Variants in MROH6 observed in about 807,000 individuals in gnomAD.
MROH6 encodes the protein maestro heat like repeat family member 6.
MROH6 carries 62 observed loss-of-function variants against 67.7 expected under a neutral mutation model. The ratio of observed to expected loss-of-function variants is 0.92; its 90% CI spans 0.75 to 1.13. MROH6 has a LOEUF of 1.13. MROH6 is among the 50% of genes most tolerant of loss of function. The pLI, the probability that MROH6 is intolerant of heterozygous loss-of-function variation, is 0.00. For missense variants in MROH6, 1,175 were observed against 1,029.1 expected, an observed-to-expected ratio of 1.14 and a Z score of -1.94; for synonymous variants, 566 against 470.8, an observed-to-expected ratio of 1.20 and a Z score of -2.62.
Position 143,567,267 on chromosome 8 carries a change from C to A in MROH6, c.2132G>T (p.Trp711Leu). Residue 711 changes from tryptophan (W) to leucine (L), a missense_variant, in exon 14 of 14, where the codon TGG becomes TTG. By Grantham distance (61) the Trp-to-Leu change is moderately conservative (BLOSUM62 -2). Coordinates refer to ENST00000398882, the MANE Select transcript of MROH6 (RefSeq NM_001100878.2). ...GGCTCGGCGGGGTCCGGAGCAGCCC[C>A]AGCGGCCCGCGACGCTCCGGCGCTG... ...PFQRRSVAGR[W>L]GCSGPRRA 10 of 1,222,678 alleles carry A rather than the reference C, an allele frequency of 8.2e-6. No individual in the cohort carries two copies. The highest frequency in any genetic ancestry group is 1.0e-5 in the Non-Finnish European group (10 of 982,014). 75.7% of individuals were successfully genotyped at this position (1,222,678 alleles called of 1,614,324 possible).
chr8:143,570,244 T>TCCTCACCG lies in MROH6; in HGVS notation c.1041_1042insCGGTGAGG (p.Ser348ArgfsTer2). The TCCTCACCG allele has an allele frequency of 6.9e-7, 1 of 1,449,616 alleles. No homozygotes were observed. 89.8% of individuals were successfully genotyped at this position (1,449,616 alleles called of 1,614,324 possible). A position where few individuals can be genotyped will look rare whatever the true frequency, so the allele number is the denominator to read the frequency against. On this transcript the variant is annotated stop_gained and frameshift_variant and splice_region_variant, in exon 6 of 14. Transcript: ENST00000398882. LOFTEE classifies it high-confidence loss of function. Reference sequence around the variant, plus strand: ...GGGGCCCCTCCTCACCCTCCTCACCTGGCCAGCAGCAGGACGCCCTCCAGG... The same window carrying TCCTCACCG: ...GGGGCCCCTCCTCACCCTCCTCACCTCCTCACCGGGCCAGCAGCAGGACGCCCTCCAGG...
intron 3 of MROH6, 108 bp downstream of exon 3, chr8:143,571,559 G>C (rs1824038733): frequency 1.4e-6 from 2 of 1,414,886 alleles, no homozygotes; most frequent in Non-Finnish European, 9.5e-7. Flanking sequence ...CTGGAATAAG[G>C]AGGCCCTGCC....
In MROH6 at chr8:143,566,813, G is replaced by A. The variant is rs930158952; in HGVS notation, c.*426C>T. On this transcript the variant is annotated 3_prime_UTR_variant, in exon 14 of 14. Transcript: ENST00000398882. ...GGATGCTGGCAGGGAATGGGGTGAG[G>A]GATGAGGATCGGGGGTGCAGCTGCA... The A allele has an allele frequency of 4.4e-5, 7 of 157,888 alleles. No homozygotes were observed. The highest frequency in any genetic ancestry group is 1.7e-4 in the African/African-American group (7 of 41,662). 9.8% of individuals were successfully genotyped at this position (157,888 alleles called of 1,614,324 possible).
In MROH6 at chr8:143,570,579, G is replaced by A. The variant is rs772923905; in HGVS notation, c.799C>T (p.Leu267Phe). ...ATRGFYPHLL[L>F]ALVTQLHKLA... is the part of the protein sequence containing the mutation. Reference sequence around the variant, plus strand: ...TTGTGCAGCTGTGTGACCAGCGCAAGCAGCAGATGTGGGTAGAAGCCCCTC... The same window carrying A: ...TTGTGCAGCTGTGTGACCAGCGCAAACAGCAGATGTGGGTAGAAGCCCCTC... The change falls in exon 5 of 14, where the codon CTT becomes TTT. Residue 267 changes from leucine (L) to phenylalanine (F), a missense_variant. Physicochemically the swap from Leu to Phe is conservative, Grantham distance 22. Coordinates refer to ENST00000398882, the MANE Select transcript of MROH6 (RefSeq NM_001100878.2). 45 of 1,607,080 alleles carry A rather than the reference G, an allele frequency of 2.8e-5. No homozygotes were observed. In the Middle Eastern group the frequency reaches 4.9e-4, roughly 18 times the overall value.
At chr8:143,571,886 GCACCC>G in intron 2 of MROH6, 65 bp from the exon 3 acceptor site, 1 of 1,501,292 alleles carries the variant, frequency 6.7e-7, no homozygotes, top group Non-Finnish European at 8.9e-7. Flanking sequence ...CCTCTGGCCT[GCACCC>G]CACCTCCACC....
At position 143,570,071 on chromosome 8, in the gene MROH6, G is replaced by A; in HGVS notation, c.1044-6C>T. ...CGGCATGTGCCACCATAGCACTGGG[G>A]TGGGTGGAAATGGGAGCTCTCGCTC... On this transcript the variant is annotated splice_region_variant and splice_polypyrimidine_tract_variant and intron_variant, in intron 6 of 13. Transcript: ENST00000398882. The A allele has an allele frequency of 1.2e-6, 2 of 1,608,102 alleles. No individual in the cohort carries two copies. Among genetic ancestry groups the A allele is most frequent in the Non-Finnish European group, 1.7e-6 (2 of 1,178,362 alleles).
At chr8:143,567,544 C>G in intron 13 of MROH6, 67 bp downstream of exon 13, 2 of 1,487,682 alleles carry the variant, frequency 1.3e-6, no homozygotes, top group South Asian at 1.3e-5. Flanking sequence ...CCCACCGCTC[C>G]CGTCCACTCC....
chr8:143,570,726 C>T (rs1236238383), intron 4 of MROH6, 69 bp from the exon 5 acceptor site: 82 of 1,506,688 alleles, frequency 5.4e-5, no homozygotes, highest in Middle Eastern at 1.7e-4. Flanking sequence ...GAGGGACAGG[C>T]GTGCTGTCAA....
Position 143,572,699 on chromosome 8 carries a change from A to T in MROH6, c.16T>A (p.Trp6Arg). 6.7e-7 allele frequency: 1 copy of T among 1,500,368 alleles called. No individual in the cohort carries two copies. The highest frequency in any genetic ancestry group is 8.9e-7 in the Non-Finnish European group (1 of 1,127,586). The allele number at this position is 1,500,368 out of a possible 1,614,324, so 92.9% of individuals were successfully genotyped here. The change falls in exon 1 of 14, where the codon TGG becomes AGG. Residue 6 changes from tryptophan (W) to arginine (R), a missense_variant. By Grantham distance (101) the Trp-to-Arg change is moderately radical. Coordinates refer to ENST00000398882, the MANE Select transcript of MROH6 (RefSeq NM_001100878.2). ...GCCTCCCGGGCCCGGCTCCGGCCCC[A>T]CACACCCCCAGCCATGGCGGCCCTT... MAGGV[W>R]GRSRAREAPV... is the part of the protein sequence containing the mutation.
intron 10 of MROH6, 145 bp from the exon 11 acceptor site, chr8:143,568,406 C>A: frequency 7.0e-7 from 1 of 1,424,512 alleles, no homozygotes; most frequent in South Asian, 1.4e-5. Flanking sequence ...AAGGGAAGAG[C>A]AGTAGTAACC....
chr8:143,568,715 C>G lies in MROH6; in HGVS notation c.1481G>C (p.Arg494Pro), dbSNP rs200226654. The G allele has an allele frequency of 2.0e-6, 3 of 1,474,920 alleles. No individual in the cohort carries two copies. The highest frequency in any genetic ancestry group is 5.1e-5 in the East Asian group (2 of 38,986). The allele number at this position is 1,474,920 out of a possible 1,614,324, so 91.4% of individuals were successfully genotyped here. Residue 494 changes from arginine (R) to proline (P), a missense_variant, in exon 10 of 14, where the codon CGG becomes CCG. By Grantham distance (103) the Arg-to-Pro change is moderately radical. Transcript: ENST00000398882. Reference protein sequence around the residue: ...PRLPPLLDDTRDSIRASAVGL... With the variant: ...PRLPPLLDDTPDSIRASAVGL... The stretch of plus-strand genomic sequence containing the variant: ...GACGGCCGAGGCGCGGATTGAGTCC[C>G]GTGTCTGCGTGGGAGGGCGCAGTCA...
At position 143,568,580 on chromosome 8, in the gene MROH6, A is replaced by C; in HGVS notation, c.1616T>G (p.Leu539Arg). 6.5e-7 allele frequency: 1 copy of C among 1,547,372 alleles called. No individual in the cohort carries two copies. The highest frequency in any genetic ancestry group is 8.7e-7 in the Non-Finnish European group (1 of 1,153,302). Residue 539 changes from leucine (L) to arginine (R), a missense_variant, in exon 10 of 14, where the codon CTG becomes CGG. Transcript: ENST00000398882. ...AGCAGCGTCCCTGCTGGGGTCATGCAGGCGCAGCAGCAGCGGCACGAGACT... is the reference window on the plus strand; with the variant it reads ...AGCAGCGTCCCTGCTGGGGTCATGCCGGCGCAGCAGCAGCGGCACGAGACT... ...LQSLVPLLLR[L>R]HDPSRDAAES...
At position 143,572,751 on chromosome 8, in the gene MROH6, C is replaced by T; in HGVS notation, c.-37G>A. ...CCTGCAGCACCTGCCGCTGCTCCTCCTGCGAAGTTGTGCCCAGGACTGACC... is the reference window on the plus strand; with the variant it reads ...CCTGCAGCACCTGCCGCTGCTCCTCTTGCGAAGTTGTGCCCAGGACTGACC... On this transcript the variant is annotated 5_prime_UTR_variant, in exon 1 of 14. Transcript: ENST00000398882. The T allele has an allele frequency of 6.9e-7, 1 of 1,445,506 alleles. No homozygotes were observed. Among genetic ancestry groups the T allele is most frequent in the African/African-American group, 1.4e-5 (1 of 70,156 alleles). The allele number at this position is 1,445,506 out of a possible 1,614,324, so 89.5% of individuals were successfully genotyped here.
rs1210493713 is a variant in MROH6, at chr8:143,572,548, G to C, written c.167C>G (p.Pro56Arg). ...KSWEVKPEAE[P>R]QTQALTAPSE... The stretch of plus-strand genomic sequence containing the variant: ...GGGGGCGGTGAGTGCCTGGGTCTGT[G>C]GCTCAGCCTCAGGTTTGACCTCCCA... Residue 56 changes from proline to arginine, a missense_variant, in exon 1 of 14, where the codon CCA (proline) becomes CGA (arginine). By Grantham distance (103) the Pro-to-Arg change is moderately radical (BLOSUM62 -2). Transcript: ENST00000398882. The C allele has an allele frequency of 6.2e-7, 1 of 1,606,766 alleles. No homozygotes were observed. The highest frequency in any genetic ancestry group is 8.5e-7 in the Non-Finnish European group (1 of 1,177,688).
At chr8:143,570,215 C>A in intron 6 of MROH6, 28 bp downstream of exon 6, 2 of 1,562,116 alleles carry the variant, frequency 1.3e-6, no homozygotes, top group Non-Finnish European at 1.7e-6. Flanking sequence ...TGGTGTGACA[C>A]CCTGGGGCCC....
chr8:143,572,601 G>T lies in MROH6; in HGVS notation c.114C>A (p.Pro38=), dbSNP rs766710613. Residue 38 remains proline, a synonymous_variant, in exon 1 of 14, where the codon CCC becomes CCA. Coordinates refer to ENST00000398882, the MANE Select transcript of MROH6 (RefSeq NM_001100878.2). ...IRARQGQPQG[P]PSAGPQPKSW... The stretch of plus-strand genomic sequence containing the variant: ...ACTTGGGCTGAGGGCCTGCGGAAGG[G>T]GGTCCCTGGGGCTGCCCCTGCCTGG... 1 of 1,597,966 alleles carries T rather than the reference G, an allele frequency of 6.3e-7. No homozygotes were observed. The highest frequency in any genetic ancestry group is 8.5e-7 in the Non-Finnish European group (1 of 1,174,996).
rs1563912864 is a variant in MROH6 at position 143,567,470 on chromosome 8, G to A, written c.1934-5C>T. 9 of 1,413,004 alleles carry A rather than the reference G, an allele frequency of 6.4e-6. No homozygotes were observed. The highest frequency in any genetic ancestry group is 1.5e-5 in the South Asian group (1 of 65,422). 87.5% of individuals were successfully genotyped at this position (1,413,004 alleles called of 1,614,324 possible). A position where few individuals can be genotyped will look rare whatever the true frequency, so the allele number is the denominator to read the frequency against. On this transcript the variant is annotated splice_region_variant and splice_polypyrimidine_tract_variant and intron_variant, in intron 13 of 13. Transcript: ENST00000398882. ...CGCTCTGCAGTCGCCCTAGGTCTGC[G>A]AGGAGATCGCGGCTCAGGCTGGGGA... is the stretch of plus-strand genomic sequence containing the variant.
At chr8:143,567,949 C>T in intron 11 of MROH6, 61 bp from the exon 12 acceptor site, 1 of 1,478,898 alleles carries the variant, frequency 6.8e-7, no homozygotes, top group African/African-American at 1.4e-5. Context: ...GAGGAGGCTG[C>T]AGAGCTGAAT....
chr8:143,570,281 TC>T lies in MROH6; in HGVS notation c.1004del (p.Gly335GlufsTer96). On this transcript the variant is annotated frameshift_variant, in exon 6 of 14. Coordinates refer to ENST00000398882, the MANE Select transcript of MROH6 (RefSeq NM_001100878.2). LOFTEE classifies it high-confidence loss of function. ...GGACGCCCTCCAGGTGGGTGTGGGCTCCCACCAGCCTCCTCCAGCCTCCTGC... is the reference window on the plus strand; with the variant it reads ...GGACGCCCTCCAGGTGGGTGTGGGCTCCACCAGCCTCCTCCAGCCTCCTGC... ...EQAGGWRRLV[G>X]AHTHLEGVLL... 1 of 1,601,762 alleles carries T rather than the reference TC, an allele frequency of 6.2e-7. No homozygotes were observed.
Sources: allele counts gnomAD v4.1 joint callset, GRCh38; gene constraint gnomAD v4.1.1; transcripts MANE v1.5; gene names NCBI Gene and HGNC (gene_info 2026-07-23, HGNC 2026-07-21).